Variants in GRAP2 observed in about 807,000 individuals in gnomAD.
GRAP2 encodes GRB2-related adapter protein 2.
GRAP2 carries 31 observed loss-of-function variants against 43.5 expected under a neutral mutation model. That is an observed-to-expected ratio of 0.71 (90% CI 0.54 to 0.96). GRAP2 has a LOEUF of 0.96. GRAP2 is among the 40% of genes least tolerant of loss of function. The probability of loss-of-function intolerance (pLI) is 0.00; values close to 1 mark genes in which losing one functional copy is unlikely to be tolerated. For synonymous variants in GRAP2, 156 were observed against 164.8 expected, an observed-to-expected ratio of 0.95 and a Z score of 0.41; for missense variants, 371 against 424.4, an observed-to-expected ratio of 0.87 and a Z score of 1.11.
intron 1 of GRAP2, among the ~76,000 whole-genome samples, chr22:39,931,037 T>G (rs1375609001): frequency 6.6e-6 from 1 of 152,200 alleles, no homozygotes; most frequent in African/African-American, 2.4e-5. Context: ...CTCACTGGTT[T>G]GGCTGACTTG....
intron 1 of GRAP2, among the ~76,000 whole-genome samples, chr22:39,937,242 G>C (rs777952256): frequency 7.9e-5 from 12 of 152,226 alleles, no homozygotes; most frequent in East Asian, 1.9e-4. Context: ...CATTGGCACA[G>C]TCTGGGTGGT....
intron 2 of GRAP2, among the ~76,000 whole-genome samples, chr22:39,950,336 C>T (rs916203462): frequency 9.9e-5 from 15 of 152,234 alleles, no homozygotes; most frequent in African/African-American, 3.6e-4. Context: ...ATAGGCAGGC[C>T]ATGACCCTGT....
intron 1 of GRAP2, among the ~76,000 whole-genome samples, chr22:39,931,406 G>A (rs1467089993): frequency 6.6e-6 from 1 of 152,164 alleles, no homozygotes; most frequent in African/African-American, 2.4e-5. Context: ...TACTGTTGGT[G>A]GTTTTGTAAC....
At chr22:39,897,399 CTA>C (rs1569187457), upstream of GRAP2, among the ~76,000 whole-genome samples, 1 of 151,988 alleles carries the variant, frequency 6.6e-6, no homozygotes. Context: ...ATAACATTAT[CTA>C]TGTTTCTAGA....
At chr22:39,961,410 G>C (rs906467267) in intron 4 of GRAP2, among the ~76,000 whole-genome samples, 1 of 152,140 alleles carries the variant, frequency 6.6e-6, no homozygotes, top group African/African-American at 2.4e-5. Flanking sequence ...AAGGGGTGTC[G>C]TTTTCTGAGC....
chr22:39,948,337 G>A (rs937297919), intron 2 of GRAP2: 1 of 152,056 alleles, frequency 6.6e-6, no homozygotes, highest in African/African-American at 2.4e-5. Flanking sequence ...CTGCTTTGGG[G>A]TCTTACGAAG....
intron 1 of GRAP2, among the ~76,000 whole-genome samples, chr22:39,943,622 C>T: frequency 6.6e-6 from 1 of 151,870 alleles, no homozygotes; most frequent in East Asian, 1.9e-4. Context: ...ACTGTATGGG[C>T]AGGTAGCATT....
chr22:39,900,367 A>G (rs542575648), upstream of GRAP2, among the ~76,000 whole-genome samples: 3 of 152,332 alleles, frequency 2.0e-5, no homozygotes, highest in Admixed American at 2.0e-4. Context: ...CCACTTAGCA[A>G]GTAGCAATGT....
chr22:39,923,636 G>A (rs531981957), intron 1 of GRAP2, among the ~76,000 whole-genome samples: 8 of 152,280 alleles, frequency 5.3e-5, no homozygotes, highest in East Asian at 1.9e-4. Flanking sequence ...GTAAATGATT[G>A]AATTTCCATC....
At chr22:39,923,712 T>C (rs1014086239) in intron 1 of GRAP2, among the ~76,000 whole-genome samples, 1 of 152,206 alleles carries the variant, frequency 6.6e-6, no homozygotes, top group African/African-American at 2.4e-5. Flanking sequence ...CAAACAAATC[T>C]GGACTTAAAA....
At chr22:39,909,948 C>T (rs1569191616) in intron 1 of GRAP2, among the ~76,000 whole-genome samples, 1 of 152,184 alleles carries the variant, frequency 6.6e-6, no homozygotes, top group Non-Finnish European at 1.5e-5. Flanking sequence ...GTGAAGTTTC[C>T]ATGGGGAATC....
intron 1 of GRAP2, among the ~76,000 whole-genome samples, chr22:39,922,982 C>A (rs1038387691): frequency 4.0e-5 from 6 of 150,462 alleles, no homozygotes; most frequent in Non-Finnish European, 5.9e-5. Flanking sequence ...GCGGAGGTTG[C>A]AGTGAGCCGA....
chr22:39,938,934 GC>G (rs2066835646), intron 1 of GRAP2, among the ~76,000 whole-genome samples: 1 of 152,112 alleles, frequency 6.6e-6, no homozygotes, highest in Admixed American at 6.5e-5. Flanking sequence ...AGCTGCAGAG[GC>G]CCCCCTCGTT....
intron 1 of GRAP2, among the ~76,000 whole-genome samples, chr22:39,935,352 T>C (rs994697744): frequency 7.9e-5 from 12 of 152,154 alleles, no homozygotes; most frequent in African/African-American, 2.9e-4. Flanking sequence ...CTCAATGAAT[T>C]AGGGAAAAAG....
chr22:39,936,700 G>A (rs1242794089), intron 1 of GRAP2, among the ~76,000 whole-genome samples: 1 of 151,978 alleles, frequency 6.6e-6, no homozygotes, highest in East Asian at 1.9e-4. Flanking sequence ...GAAAGAGGAA[G>A]AGAGAGAGAC....
intron 1 of GRAP2, among the ~76,000 whole-genome samples, chr22:39,904,395 G>GGAAAAAA (rs2066510720): frequency 6.6e-6 from 1 of 151,226 alleles, no homozygotes; most frequent in African/African-American, 2.4e-5. Context: ...CTCAAAAAGA[G>GGAAAAAA]GAAAAAAGAA....
In GRAP2 at chr22:39,972,484, T is replaced by A. The variant is rs573119797; in HGVS notation, c.*1400T>A. On this transcript the variant is annotated 3_prime_UTR_variant, in exon 8 of 8. Coordinates refer to ENST00000344138, the MANE Select transcript of GRAP2 (RefSeq NM_004810.4). ...ATGTGTGGACATGTGCGTGCATGCA[T>A]CTGTGTGTCTGTGTGTGTGCTGAGA... 2 of 152,484 alleles carry A rather than the reference T, an allele frequency of 1.3e-5. No homozygotes were observed. Among genetic ancestry groups the A allele is most frequent in the South Asian group, 4.1e-4 (2 of 4,830 alleles). The allele number at this position is 152,484 out of a possible 1,614,324, so 9.4% of individuals were successfully genotyped here. A position where few individuals can be genotyped will look rare whatever the true frequency, so the allele number is the denominator to read the frequency against.
At chr22:39,905,323 A>T (rs1352437870) in intron 1 of GRAP2, among the ~76,000 whole-genome samples, 1 of 152,232 alleles carries the variant, frequency 6.6e-6, no homozygotes, top group Admixed American at 6.5e-5. Flanking sequence ...ATTCATCATT[A>T]TCAGCAGCAA....
chr22:39,954,004 C>T (rs1457290813), intron 2 of GRAP2, among the ~76,000 whole-genome samples: 1 of 152,210 alleles, frequency 6.6e-6, no homozygotes, highest in Non-Finnish European at 1.5e-5. Flanking sequence ...TCACAGTCTA[C>T]ATTCCAGCCA....
Sources: allele counts gnomAD v4.1 joint callset (sites outside exome capture counted in the v4.1 genomes callset), GRCh38; gene constraint gnomAD v4.1.1; transcripts MANE v1.5; gene names NCBI Gene and HGNC (gene_info 2026-07-23, HGNC 2026-07-21).